CUX1: variants seen among roughly 807,000 people sequenced by gnomAD.
CUX1 encodes the protein protein CASP.
CUX1 carries 31 observed loss-of-function variants against 158.8 expected under a neutral mutation model. That is an observed-to-expected ratio of 0.20 (90% CI 0.15 to 0.26). The LOEUF (loss-of-function observed/expected upper bound fraction) is 0.26. Ranked by LOEUF, CUX1 falls within the 10% of genes least tolerant of loss-of-function variation. CUX1 has a pLI of 1.00. For synonymous variants in CUX1, 879 were observed against 862.1 expected, an observed-to-expected ratio of 1.02 and a Z score of -0.34; for missense variants, 1,589 against 2,014.6, an observed-to-expected ratio of 0.79 and a Z score of 4.04.
chr7:101,893,361 A>G (rs1801107084), intron 1 of CUX1, among the ~76,000 whole-genome samples: 1 of 151,472 alleles, frequency 6.6e-6, no homozygotes, highest in South Asian at 2.1e-4. Context: ...TCTACTTTCG[A>G]CAGGATTCCT....
At chr7:101,867,501 G>T (rs989507056) in intron 1 of CUX1, among the ~76,000 whole-genome samples, 2 of 152,180 alleles carry the variant, frequency 1.3e-5, no homozygotes, top group African/African-American at 4.8e-5. Flanking sequence ...TCAGCACGTG[G>T]TGTGTGGCTT....
At chr7:101,839,842 G>C (rs1483044931) in intron 1 of CUX1, among the ~76,000 whole-genome samples, 3 of 152,064 alleles carry the variant, frequency 2.0e-5, no homozygotes. Context: ...GCTCACTTCA[G>C]CCTCTGCCAC....
intron 1 of CUX1, among the ~76,000 whole-genome samples, chr7:101,912,288 G>A (rs1430170985): frequency 2.9e-5 from 4 of 140,292 alleles, no homozygotes; most frequent in Non-Finnish European, 4.5e-5. Context: ...CTGGCCAGTG[G>A]GCAGCATATT....
chr7:102,032,381 G>T (rs1398915733), intron 3 of CUX1, among the ~76,000 whole-genome samples: 4 of 151,970 alleles, frequency 2.6e-5, no homozygotes, highest in Non-Finnish European at 5.9e-5. Context: ...GGTCAATATA[G>T]TGAGACCCCG....
chr7:101,875,014 A>G (rs1315152982), intron 1 of CUX1, among the ~76,000 whole-genome samples: 7 of 152,140 alleles, frequency 4.6e-5, no homozygotes, highest in Admixed American at 3.3e-4. Context: ...TTTAATTTGT[A>G]ACAATTCTGC....
chr7:102,039,774 G>C (rs1374142524), intron 3 of CUX1, among the ~76,000 whole-genome samples: 4 of 151,998 alleles, frequency 2.6e-5, no homozygotes, highest in Non-Finnish European at 5.9e-5. Context: ...CTGGAGCTTG[G>C]TGCATTGTCT....
chr7:101,825,393 G>A (rs1055408527), intron 1 of CUX1, among the ~76,000 whole-genome samples: 1 of 152,208 alleles, frequency 6.6e-6, no homozygotes, highest in South Asian at 2.1e-4. Context: ...ACAAGTTCAG[G>A]TTTCTGCTCC....
At chr7:101,944,088 A>C (rs1289374963) in intron 2 of CUX1, among the ~76,000 whole-genome samples, 1 of 152,046 alleles carries the variant, frequency 6.6e-6, no homozygotes, top group African/African-American at 2.4e-5. Flanking sequence ...CAGCCATCCC[A>C]GGTGTGAGTG....
chr7:101,989,652 G>C (rs1199270330), intron 2 of CUX1, among the ~76,000 whole-genome samples: 1 of 152,176 alleles, frequency 6.6e-6, no homozygotes, highest in Non-Finnish European at 1.5e-5. Flanking sequence ...ATTCTCACCG[G>C]GGCTTTTGCA....
At chr7:101,825,845 G>A (rs2130963823) in intron 1 of CUX1, among the ~76,000 whole-genome samples, 1 of 151,540 alleles carries the variant, frequency 6.6e-6, no homozygotes, top group Middle Eastern at 3.4e-3. Flanking sequence ...TTGTGTGTGA[G>A]AGCCAAGTCT....
At chr7:102,197,434 T>G in intron 15 of CUX1, 129 bp downstream of exon 15, 4 of 1,169,572 alleles carry the variant, frequency 3.4e-6, no homozygotes, top group Admixed American at 2.2e-5. Context: ...AAAGTTCTCT[T>G]TGCTTCTGCC....
Position 102,216,885 on chromosome 7 carries a change from TCACACACA to T in CUX1, c.3131-10467_3131-10460del, listed in dbSNP as rs35680063. 2.8e-3 allele frequency among the ~76,000 whole-genome samples: 416 copies of T among 149,606 alleles called. 1 individual carries two copies. Among genetic ancestry groups the T allele is most frequent in the African/African-American group, 9.9e-3 (400 of 40,468 alleles). ...CACATTCTCTCACACACACATTATC[TCACACACA>T]CACACACACACACATTTGCAGTGAT... On this transcript the variant is annotated intron_variant, in intron 20 of 23. Transcript: ENST00000292535.
chr7:102,058,883 C>T (rs1475708530), intron 3 of CUX1, among the ~76,000 whole-genome samples: 1 of 152,176 alleles, frequency 6.6e-6, no homozygotes, highest in Non-Finnish European at 1.5e-5. Flanking sequence ...ATCTGTGTCT[C>T]CCATAGGCTG....
At position 101,930,634 on chromosome 7, in the gene CUX1, G is replaced by A. The variant is rs1563024402; in HGVS notation, c.141+14409G>A. On this transcript the variant is annotated intron_variant, in intron 2 of 23. Transcript: ENST00000292535. ...TGACTGGCCTGTTATGCAGAGTCTTGTAATTTTGTTTGTGGCCCTTTATTT... is the reference window on the plus strand; with the variant it reads ...TGACTGGCCTGTTATGCAGAGTCTTATAATTTTGTTTGTGGCCCTTTATTT... 2.6e-5 allele frequency among the ~76,000 whole-genome samples: 4 copies of A among 152,316 alleles called. No individual in the cohort carries two copies. In the South Asian group the frequency reaches 8.3e-4, roughly 32 times the overall value.
At chr7:101,860,217 G>A (rs1246648478) in intron 1 of CUX1, among the ~76,000 whole-genome samples, 3 of 152,120 alleles carry the variant, frequency 2.0e-5, no homozygotes, top group Non-Finnish European at 4.4e-5. Context: ...TGTTTTCCTG[G>A]TGGAAGATTT....
At chr7:102,258,811 G>A (rs1462893367), downstream of CUX1, among the ~76,000 whole-genome samples, 4 of 152,328 alleles carry the variant, frequency 2.6e-5, no homozygotes, top group Non-Finnish European at 5.9e-5. Flanking sequence ...CAAGTGAAAG[G>A]CACCAGTTAA....
At chr7:101,848,118 G>A (rs1486565492) in intron 1 of CUX1, among the ~76,000 whole-genome samples, 2 of 150,756 alleles carry the variant, frequency 1.3e-5, no homozygotes, top group Non-Finnish European at 2.9e-5. Context: ...GAAAAATAAT[G>A]GTCATAATCT....
intron 3 of CUX1, among the ~76,000 whole-genome samples, chr7:102,045,878 T>C (rs753101945): frequency 2.0e-5 from 3 of 152,182 alleles, no homozygotes; most frequent in Admixed American, 6.5e-5. Context: ...GGGGACCCGC[T>C]CCAGGGACCC....
intron 3 of CUX1, among the ~76,000 whole-genome samples, chr7:102,047,625 T>C (rs1822983267): frequency 6.6e-6 from 1 of 152,040 alleles, no homozygotes; most frequent in Admixed American, 6.6e-5. Context: ...TAGAAAGCAG[T>C]ATGTGTCTGT....
Sources: gnomAD v4.1 joint callset for allele counts (sites outside exome capture counted in the v4.1 genomes callset) on GRCh38, gnomAD v4.1.1 for gene constraint, MANE v1.5 for transcripts, NCBI Gene and HGNC (gene_info 2026-07-23, HGNC 2026-07-21) for gene names.